The following PCDHA9 variants were observed in gnomAD, a reference collection of about 807,000 sequenced individuals.
PCDHA9 encodes protocadherin alpha 9.
A neutral mutation model predicts 62.0 loss-of-function variants in PCDHA9; 62 were observed. The ratio of observed to expected loss-of-function variants is 1.00; its 90% CI spans 0.81 to 1.23. The LOEUF (loss-of-function observed/expected upper bound fraction) is 1.23. PCDHA9 is among the 50% of genes most tolerant of loss of function. The pLI is 0.00. For synonymous variants in PCDHA9, 557 were observed against 567.6 expected (o/e 0.98, Z 0.27); for missense variants, 1,205 against 1,249.8 (o/e 0.96, Z 0.54).
chr5:140,859,387 C>A, intron 1 of PCDHA9: 2 of 268,138 alleles, frequency 7.5e-6, no homozygotes, highest in South Asian at 8.3e-5. Context: ...CTTCTCTAGT[C>A]ATCTTAAACA....
intron 3 of PCDHA9, among the ~76,000 whole-genome samples, chr5:141,007,395 C>CAAA (rs35800918): frequency 7.4e-5 from 7 of 94,852 alleles, no homozygotes; most frequent in Non-Finnish European, 1.2e-4. Flanking sequence ...TACTAAAATA[C>CAAA]AAAAAAAAAA....
intron 1 of PCDHA9, among the ~76,000 whole-genome samples, chr5:140,923,269 T>C (rs1554201320): frequency 6.6e-6 from 1 of 152,218 alleles, no homozygotes; most frequent in Non-Finnish European, 1.5e-5. Flanking sequence ...TGAGACCTTG[T>C]CTCTACAAAA....
intron 1 of PCDHA9, among the ~76,000 whole-genome samples, chr5:140,908,732 A>G (rs909800763): frequency 6.6e-6 from 1 of 152,200 alleles, no homozygotes; most frequent in African/African-American, 2.4e-5. Flanking sequence ...ATATGGCTCG[A>G]GAAACAGAGC....
In PCDHA9 at chr5:140,848,597, C is replaced by A. The variant is rs151001396; in HGVS notation, c.102C>A (p.Ser34=). 1 of 1,580,556 alleles carries A rather than the reference C, an allele frequency of 6.3e-7. No individual in the cohort carries two copies. Among genetic ancestry groups the A allele is most frequent in the Non-Finnish European group, 8.7e-7 (1 of 1,154,336 alleles). Reference sequence around the variant, plus strand: ...TGGGGAGCGGCCAGCTCCACTACTCCGTCCCGGAGGAAGCCGAACACGGCA... The same window carrying A: ...TGGGGAGCGGCCAGCTCCACTACTCAGTCCCGGAGGAAGCCGAACACGGCA... ...WVVGSGQLHY[S]VPEEAEHGTF... The change falls in exon 1 of 4, where the codon TCC becomes TCA. Residue 34 remains serine (S), a synonymous_variant. Transcript: ENST00000532602.
Position 140,982,555 on chromosome 5 carries a change from C to T in PCDHA9, c.2534C>T (p.Ala845Val). The change falls in exon 3 of 4, where the codon GCA becomes GTA. Residue 845 changes from alanine (A) to valine (V), a missense_variant. Around this residue, in one of 3 missense-constraint regions of PCDHA9, gnomAD observed 887 missense variants for 809.5 expected, o/e 1.10. Transcript: ENST00000532602. Reference sequence around the variant, plus strand: ...CAGCAGTGGCCAACAGTATCCAGTGCAACACCAGGTAAAGAGCTGGGGTCT... The same window carrying T: ...CAGCAGTGGCCAACAGTATCCAGTGTAACACCAGGTAAAGAGCTGGGGTCT... Reference protein sequence around the residue: ...PDQQWPTVSSATPEPEAGEVS... With the variant: ...PDQQWPTVSSVTPEPEAGEVS... The T allele has an allele frequency of 6.2e-7, 1 of 1,614,108 alleles. No homozygotes were observed. The highest frequency in any genetic ancestry group is 8.5e-7 in the Non-Finnish European group (1 of 1,179,990).
In PCDHA9 at chr5:140,870,824, G is replaced by A. The variant is rs1296646483; in HGVS notation, c.2394+19935G>A. On this transcript the variant is annotated intron_variant, in intron 1 of 3. Coordinates refer to ENST00000532602, the MANE Select transcript of PCDHA9 (RefSeq NM_031857.2). ...GCGACTCAGGCTGGCAGCGCGGGAG[G>A]CGCAGTTAACAAGCTAGTACCGCGG... 8.7e-6 allele frequency: 14 copies of A among 1,613,638 alleles called. No homozygotes were observed. The East Asian group carries it at 2.9e-4, about 33-fold the overall frequency.
rs782058694 is a variant in PCDHA9 at position 140,883,215 on chromosome 5, A to G, written c.2394+32326A>G. On this transcript the variant is annotated intron_variant, in intron 1 of 3. Coordinates refer to ENST00000532602, the MANE Select transcript of PCDHA9 (RefSeq NM_031857.2). ...CTAGATTTCGAAGAAAAGAAATTAT[A>G]TGAAATATCCGTGGAGGCAGTTGAC... 2.5e-6 allele frequency: 4 copies of G among 1,613,954 alleles called. No individual in the cohort carries two copies. Among genetic ancestry groups the G allele is most frequent in the Non-Finnish European group, 3.4e-6 (4 of 1,180,034 alleles).
intron 1 of PCDHA9, among the ~76,000 whole-genome samples, chr5:140,950,804 A>G (rs1360919239): frequency 6.6e-6 from 1 of 152,090 alleles, no homozygotes; most frequent in African/African-American, 2.4e-5. Context: ...GTCTGGTTTT[A>G]CCATAGTAGG....
chr5:141,009,720 C>G lies in PCDHA9; in HGVS notation c.2636C>G (p.Ser879Cys), dbSNP rs782119637. ...FKYGPGNPKQ[S>C]GPGELPDKFI... ...TACGGACCAGGCAACCCCAAACAAT[C>G]CGGTCCCGGTGAGTTGCCCGACAAA... The change falls in exon 4 of 4, where the codon TCC (serine) becomes TGC (cysteine). Residue 879 changes from serine to cysteine, a missense_variant. Around this residue, in one of 3 missense-constraint regions of PCDHA9, gnomAD observed 887 missense variants for 809.5 expected, o/e 1.10. Transcript: ENST00000532602. 1 of 1,614,180 alleles carries G rather than the reference C, an allele frequency of 6.2e-7. No individual in the cohort carries two copies. The highest frequency in any genetic ancestry group is 2.2e-5 in the East Asian group (1 of 44,872).
chr5:140,872,792 G>T (rs1474880199), intron 1 of PCDHA9, among the ~76,000 whole-genome samples: 1 of 152,054 alleles, frequency 6.6e-6, no homozygotes, highest in African/African-American at 2.4e-5. Context: ...ATGCTAGTTG[G>T]CATTCTTCCA....
intron 1 of PCDHA9, among the ~76,000 whole-genome samples, chr5:140,892,861 G>A (rs1422724084): frequency 2.6e-5 from 4 of 152,100 alleles, no homozygotes; most frequent in African/African-American, 9.7e-5. Flanking sequence ...TTCCTCCTGT[G>A]TAGCTATAAT....
At chr5:140,871,015 G>C in intron 1 of PCDHA9, 1 of 1,613,244 alleles carries the variant, frequency 6.2e-7, no homozygotes, top group Non-Finnish European at 8.5e-7. Context: ...TGCCCTGGAC[G>C]AGGCAGACTC....
chr5:140,849,999 C>G lies in PCDHA9; in HGVS notation c.1504C>G (p.Arg502Gly), dbSNP rs1554143600. The G allele has an allele frequency of 3.1e-6, 5 of 1,596,930 alleles. No individual in the cohort carries two copies. In the African/African-American group the frequency reaches 5.4e-5, roughly 17 times the overall value. The stretch of plus-strand genomic sequence containing the variant: ...GCTGGTGGAGCGGCGGTTGGGCGAG[C>G]GCTCGCTGTCGAGCTACGTGTCAGT... Reference protein sequence around the residue: ...YSLVERRLGERSLSSYVSVHA... With the variant: ...YSLVERRLGEGSLSSYVSVHA... Residue 502 changes from arginine to glycine, a missense_variant, in exon 1 of 4, where the codon CGC becomes GGC. Coordinates refer to ENST00000532602, the MANE Select transcript of PCDHA9 (RefSeq NM_031857.2).
At chr5:140,852,885 A>T in intron 1 of PCDHA9, 5 of 778,116 alleles carry the variant, frequency 6.4e-6, no homozygotes, top group Non-Finnish European at 7.9e-6. Context: ...CATAAAACGT[A>T]TTTTTTTTTT....
intron 3 of PCDHA9, 29 bp from the exon 4 acceptor site, chr5:141,009,598 T>C: frequency 6.2e-7 from 1 of 1,606,306 alleles, no homozygotes; most frequent in Non-Finnish European, 8.5e-7. Flanking sequence ...GTTGACCCTG[T>C]TAATGATTTG....
chr5:140,999,673 T>G (rs2097868835), intron 3 of PCDHA9, among the ~76,000 whole-genome samples: 1 of 152,050 alleles, frequency 6.6e-6, no homozygotes, highest in Non-Finnish European at 1.5e-5. Context: ...TGCGGGGGGC[T>G]CACAGAAAGA....
intron 1 of PCDHA9, chr5:140,967,414 C>T: frequency 6.2e-7 from 1 of 1,613,156 alleles, no homozygotes; most frequent in African/African-American, 1.3e-5. Context: ...AGGGCCTAGA[C>T]CGGGAGCAGG....
chr5:140,970,967 G>C (rs2096448125), intron 1 of PCDHA9, among the ~76,000 whole-genome samples: 2 of 152,206 alleles, frequency 1.3e-5, no homozygotes, highest in Non-Finnish European at 2.9e-5. Context: ...GCAGATTGTA[G>C]ATTAAGAAAA....
chr5:140,902,207 T>C (rs949937318), intron 1 of PCDHA9, among the ~76,000 whole-genome samples: 8 of 148,564 alleles, frequency 5.4e-5, no homozygotes, highest in South Asian at 4.3e-4. Flanking sequence ...CTCTTTCTTT[T>C]TTTTTTTTTT....
Sources: gnomAD v4.1 joint callset for allele counts (sites outside exome capture counted in the v4.1 genomes callset) on GRCh38, gnomAD v4.1.1 for gene constraint, gnomAD v4.1.1 regional missense constraint, MANE v1.5 for transcripts, NCBI Gene and HGNC (gene_info 2026-07-23, HGNC 2026-07-21) for gene names.